The following ZNF236 variants were observed in gnomAD, a reference collection of about 807,000 sequenced individuals.
ZNF236 encodes regulated by glucose.
ZNF236 carries 50 observed loss-of-function variants against 191.2 expected under a neutral mutation model. The observed-to-expected ratio is 0.26, with a 90% CI of 0.21 to 0.33. The LOEUF (loss-of-function observed/expected upper bound fraction) is 0.33. Among genes scored for constraint, ZNF236 ranks in the 10% least tolerant of loss-of-function variants. The pLI is 1.00. For missense variants in ZNF236, 1,754 were observed against 2,374.5 expected, an observed-to-expected ratio of 0.74 and a Z score of 5.43; for synonymous variants, 907 against 928.8, an observed-to-expected ratio of 0.98 and a Z score of 0.43.
rs771317245 is a variant in ZNF236 at position 76,925,506 on chromosome 18, C to T, written c.3979C>T (p.Leu1327=). The change falls in exon 22 of 31, where the codon CTG becomes TTG. Residue 1327 remains leucine, a synonymous_variant. Coordinates refer to ENST00000320610, the MANE Select transcript of ZNF236 (RefSeq NM_001306089.2). This position sits in a 1 kb window ranked among gnomAD's most constrained non-coding sequence, Gnocchi z 5.7. ...VLTGQFDQNL[L]QPGLVGQAIL... is the part of the protein sequence containing the mutation. The stretch of plus-strand genomic sequence containing the variant: ...AACAGGACAGTTTGATCAGAATCTG[C>T]TGCAACCAGGACTGGTGGGCCAAGC... 9 of 1,613,946 alleles carry T rather than the reference C, an allele frequency of 5.6e-6. No homozygotes were observed. In the Admixed American group the frequency reaches 1.5e-4, roughly 27 times the overall value.
At chr18:76,824,483 A>C in intron 1 of ZNF236, 1 of 780,110 alleles carries the variant, frequency 1.3e-6, no homozygotes, top group East Asian at 2.4e-5. Context: ...CCTTTAAGGA[A>C]GTCTTTGTTG....
chr18:76,955,000 A>G (rs912584383), intron 27 of ZNF236, among the ~76,000 whole-genome samples: 1 of 152,208 alleles, frequency 6.6e-6, no homozygotes, highest in Non-Finnish European at 1.5e-5. Flanking sequence ...ATTAATGAAA[A>G]AGTATTTGAT....
chr18:76,956,761 G>A (rs3911865), intron 28 of ZNF236, among the ~76,000 whole-genome samples: 35,665 of 152,170 alleles, frequency 0.23, 4,914 homozygotes, highest in East Asian at 0.33. Context: ...GTGCTACAGT[G>A]GGCAGGAGGC....
At chr18:76,923,673 G>A (rs1967601147) in intron 21 of ZNF236, among the ~76,000 whole-genome samples, 1 of 152,040 alleles carries the variant, frequency 6.6e-6, no homozygotes, top group Admixed American at 6.6e-5. Context: ...GCCTCCTAGC[G>A]GTGGGGAGGC....
chr18:76,942,731 G>A (rs1478918032), intron 26 of ZNF236, among the ~76,000 whole-genome samples: 3 of 150,524 alleles, frequency 2.0e-5, no homozygotes, highest in Admixed American at 2.0e-4. Context: ...AGCCAGGATG[G>A]TCTTGATCTC....
intron 6 of ZNF236, among the ~76,000 whole-genome samples, chr18:76,877,365 G>A (rs1055335374): frequency 6.6e-6 from 1 of 151,960 alleles, no homozygotes; most frequent in African/African-American, 2.4e-5. Flanking sequence ...AAAATTAGCT[G>A]GGCACGATGG....
chr18:76,831,851 G>T (rs1215915679), intron 1 of ZNF236, among the ~76,000 whole-genome samples: 1 of 152,058 alleles, frequency 6.6e-6, no homozygotes, highest in Non-Finnish European at 1.5e-5. Flanking sequence ...ATCTTCTTTG[G>T]TGAAGGGCTG....
At chr18:76,882,340 G>A (rs1976923781) in intron 9 of ZNF236, among the ~76,000 whole-genome samples, 1 of 152,218 alleles carries the variant, frequency 6.6e-6, no homozygotes, top group African/African-American at 2.4e-5. Context: ...AGCACTTAGA[G>A]TGTTTAGGAT....
chr18:76,838,518 G>C (rs1419189375), intron 1 of ZNF236, among the ~76,000 whole-genome samples: 6 of 152,156 alleles, frequency 3.9e-5, no homozygotes, highest in African/African-American at 1.4e-4. Flanking sequence ...GAGTTGGCAA[G>C]TATTCTTTAT....
Position 76,895,231 on chromosome 18 carries a change from A to G in ZNF236, c.1636A>G (p.Met546Val), listed in dbSNP as rs776794976. The G allele has an allele frequency of 3.1e-6, 5 of 1,600,448 alleles. No individual in the cohort carries two copies. The highest frequency in any genetic ancestry group is 1.7e-5 in the Admixed American group (1 of 60,018). Residue 546 changes from methionine to valine, a missense_variant, in exon 10 of 31, where the codon ATG becomes GTG. By Grantham distance (21) the Met-to-Val change is conservative. Around this residue, in one of 5 missense-constraint regions of ZNF236, gnomAD observed 641 missense variants for 869.6 expected, o/e 0.74. Transcript: ENST00000320610. ...CAAGGCGTTCAAGTGCCAGTACTGCATGAAGAGCTTCTCCACCTCTGGCAG... is the reference window on the plus strand; with the variant it reads ...CAAGGCGTTCAAGTGCCAGTACTGCGTGAAGAGCTTCTCCACCTCTGGCAG... Reference protein sequence around the residue: ...GIKAFKCQYCMKSFSTSGSLK... With the variant: ...GIKAFKCQYCVKSFSTSGSLK...
chr18:76,830,637 A>T lies in ZNF236; in HGVS notation c.55+7975A>T, dbSNP rs182177850. Among the ~76,000 whole-genome samples, 669 of 148,132 alleles carry T rather than the reference A, an allele frequency of 4.5e-3. 6 individuals carry two copies. The highest frequency in any genetic ancestry group is 0.016 in the African/African-American group (641 of 40,498). ...AACACTAATGATAGCTGGTGGAGTT[A>T]AAAAAAAAAATCTCAAAAAAAGTCT... On this transcript the variant is annotated intron_variant, in intron 1 of 30. Coordinates refer to ENST00000320610, the MANE Select transcript of ZNF236 (RefSeq NM_001306089.2).
intron 9 of ZNF236, among the ~76,000 whole-genome samples, chr18:76,891,369 T>C (rs1192221932): frequency 6.6e-6 from 1 of 152,202 alleles, no homozygotes. Flanking sequence ...TATCTGACTT[T>C]TATAATTTAA....
chr18:76,904,154 A>C (rs1378570801), intron 11 of ZNF236, among the ~76,000 whole-genome samples: 1 of 151,588 alleles, frequency 6.6e-6, no homozygotes, highest in Non-Finnish European at 1.5e-5. Context: ...TTGTTAATTT[A>C]TAAATTAATT....
chr18:76,838,778 G>T (rs139469186), intron 1 of ZNF236, among the ~76,000 whole-genome samples: 1 of 152,164 alleles, frequency 6.6e-6, no homozygotes, highest in East Asian at 1.9e-4. Flanking sequence ...ATTGTGGTTG[G>T]CTCAATGAAT....
In ZNF236 at chr18:76,880,579, A is replaced by T. The variant is rs541130920; in HGVS notation, c.1188+263A>T. On this transcript the variant is annotated intron_variant, in intron 8 of 30. Transcript: ENST00000320610. This position sits in a 1 kb window ranked among gnomAD's most constrained non-coding sequence, Gnocchi z 5.0. ...TAAGTGAACTTTACTTGAAAAGAAC[A>T]GGCTTTTCCGAAGTTGTATCTATTT... is the stretch of plus-strand genomic sequence containing the variant. 1.3e-5 allele frequency among the ~76,000 whole-genome samples: 2 copies of T among 152,112 alleles called. No individual in the cohort carries two copies. The highest frequency in any genetic ancestry group is 4.8e-5 in the African/African-American group (2 of 41,414).
intron 1 of ZNF236, among the ~76,000 whole-genome samples, chr18:76,826,646 A>G (rs1156577255): frequency 6.6e-6 from 1 of 150,892 alleles, no homozygotes; most frequent in Non-Finnish European, 1.5e-5. Flanking sequence ...AAAAAATACC[A>G]AAGTTAGCCA....
At chr18:76,951,072 G>A (rs1169897204) in intron 27 of ZNF236, among the ~76,000 whole-genome samples, 8 of 152,320 alleles carry the variant, frequency 5.3e-5, no homozygotes, top group Admixed American at 1.3e-4. Context: ...GTAAACAGAC[G>A]TGCTGTCATT....
chr18:76,832,494 T>G (rs188791894), intron 1 of ZNF236, among the ~76,000 whole-genome samples: 1 of 152,236 alleles, frequency 6.6e-6, no homozygotes, highest in East Asian at 1.9e-4. Context: ...TAGTATTTGT[T>G]GGAAATACCA....
chr18:76,844,590 T>C lies in ZNF236; in HGVS notation c.56-4936T>C, dbSNP rs376633746. 3.0e-4 allele frequency among the ~76,000 whole-genome samples: 45 copies of C among 152,344 alleles called. No homozygotes were observed. In the South Asian group the frequency reaches 9.3e-3, roughly 32 times the overall value. On this transcript the variant is annotated intron_variant, in intron 1 of 30. Coordinates refer to ENST00000320610, the MANE Select transcript of ZNF236 (RefSeq NM_001306089.2). ...AAGTACTCAGAAGCTGAAACTGTTATATCTCTCATTTTAATATGAAATACA... is the reference window on the plus strand; with the variant it reads ...AAGTACTCAGAAGCTGAAACTGTTACATCTCTCATTTTAATATGAAATACA...
Sources: gnomAD v4.1 joint callset for allele counts (sites outside exome capture counted in the v4.1 genomes callset) on GRCh38, gnomAD v4.1.1 for gene constraint, gnomAD v4.1.1 regional missense constraint, Gnocchi (gnomAD v3.1) non-coding constraint, MANE v1.5 for transcripts, NCBI Gene and HGNC (gene_info 2026-07-23, HGNC 2026-07-21) for gene names.